CSMD1: variants seen among roughly 807,000 people sequenced by gnomAD.
CSMD1 encodes the protein CUB and sushi domain-containing protein 1.
Under a neutral mutation model 417.5 loss-of-function variants are expected in CSMD1, and 213 were observed. That is an observed-to-expected ratio of 0.51 (90% CI 0.46 to 0.57). The LOEUF (loss-of-function observed/expected upper bound fraction) is 0.57. Ranked by LOEUF, CSMD1 falls within the 20% of genes least tolerant of loss-of-function variation. CSMD1 has a pLI of 0.00. For synonymous variants in CSMD1, 2,862 were observed against 1,736.8 expected, an observed-to-expected ratio of 1.65 and a Z score of -16.11; for missense variants, 6,923 against 4,529.7, an observed-to-expected ratio of 1.53 and a Z score of -15.17.
intron 1 of CSMD1, among the ~76,000 whole-genome samples, chr8:4,726,601 G>C (rs577329899): frequency 1.3e-5 from 2 of 152,118 alleles, no homozygotes; most frequent in Non-Finnish European, 2.9e-5. Flanking sequence ...CCTCCCATCA[G>C]CTTCTGCAAA....
chr8:4,155,283 G>C (rs557824543), intron 3 of CSMD1, among the ~76,000 whole-genome samples: 3 of 152,154 alleles, frequency 2.0e-5, no homozygotes, highest in Non-Finnish European at 4.4e-5. Context: ...TGTGAATTAG[G>C]GGGTGGAGCA....
intron 8 of CSMD1, among the ~76,000 whole-genome samples, chr8:3,606,395 T>C (rs1441377958): frequency 3.3e-5 from 5 of 152,144 alleles, no homozygotes; most frequent in South Asian, 2.1e-4. Flanking sequence ...CTGAGTACTG[T>C]AGGCAATTGA....
chr8:4,797,276 A>C (rs1416112870), intron 1 of CSMD1, among the ~76,000 whole-genome samples: 1 of 152,182 alleles, frequency 6.6e-6, no homozygotes, highest in Non-Finnish European at 1.5e-5. Flanking sequence ...ACTGTTTTGA[A>C]AACTATGTTT....
chr8:4,006,950 C>A (rs1310654318), intron 4 of CSMD1, among the ~76,000 whole-genome samples: 1 of 150,202 alleles, frequency 6.7e-6, no homozygotes, highest in East Asian at 2.0e-4. Context: ...GCTTCAGACT[C>A]ACGAGTAGCT....
intron 3 of CSMD1, among the ~76,000 whole-genome samples, chr8:4,068,555 G>C (rs902492234): frequency 2.0e-5 from 3 of 152,162 alleles, no homozygotes; most frequent in Non-Finnish European, 4.4e-5. Flanking sequence ...GTATCCTCTG[G>C]AGGCCACTGG....
chr8:3,633,326 T>C (rs746237271), intron 7 of CSMD1, among the ~76,000 whole-genome samples: 1 of 152,184 alleles, frequency 6.6e-6, no homozygotes, highest in African/African-American at 2.4e-5. Context: ...TACATAAGAC[T>C]CAGAGGTGCA....
chr8:4,219,483 C>T (rs1342884353), intron 3 of CSMD1, among the ~76,000 whole-genome samples: 1 of 152,150 alleles, frequency 6.6e-6, no homozygotes, highest in Non-Finnish European at 1.5e-5. Context: ...CCTGAATTTC[C>T]TTCCGTCTCT....
chr8:3,352,215 T>C (rs1808469093), intron 21 of CSMD1, among the ~76,000 whole-genome samples: 1 of 152,186 alleles, frequency 6.6e-6, no homozygotes, highest in African/African-American at 2.4e-5. Flanking sequence ...GATGTTTTTA[T>C]GATTTTATCA....
At chr8:4,677,618 C>A (rs754601066) in intron 1 of CSMD1, among the ~76,000 whole-genome samples, 6 of 152,242 alleles carry the variant, frequency 3.9e-5, no homozygotes, top group Non-Finnish European at 7.4e-5. Context: ...ATCACTGCTG[C>A]ATTTTTATAT....
At chr8:3,396,854 T>C (rs1197327870) in intron 16 of CSMD1, among the ~76,000 whole-genome samples, 1 of 152,074 alleles carries the variant, frequency 6.6e-6, no homozygotes, top group Admixed American at 6.6e-5. Flanking sequence ...TCATTAAAAA[T>C]GTGTGATGAG....
At chr8:4,298,522 A>G (rs1797807016) in intron 3 of CSMD1, among the ~76,000 whole-genome samples, 1 of 152,162 alleles carries the variant, frequency 6.6e-6, no homozygotes, top group Non-Finnish European at 1.5e-5. Flanking sequence ...GACTTGACCT[A>G]TATACAATGT....
chr8:4,130,092 G>A (rs906041038), intron 3 of CSMD1, among the ~76,000 whole-genome samples: 3 of 152,050 alleles, frequency 2.0e-5, no homozygotes, highest in Non-Finnish European at 2.9e-5. Context: ...TGAGAGGAGG[G>A]CTAGGGCTGC....
intron 37 of CSMD1, among the ~76,000 whole-genome samples, chr8:3,171,722 C>T (rs1317945617): frequency 2.6e-5 from 4 of 152,112 alleles, no homozygotes; most frequent in Admixed American, 6.5e-5. Context: ...ATAGAATAAT[C>T]ATAATTTTCA....
chr8:4,250,770 C>A (rs1236013267), intron 3 of CSMD1, among the ~76,000 whole-genome samples: 1 of 152,194 alleles, frequency 6.6e-6, no homozygotes, highest in East Asian at 1.9e-4. Context: ...ATAAATATGC[C>A]AGTAACTCAA....
intron 2 of CSMD1, among the ~76,000 whole-genome samples, chr8:4,563,533 C>G (rs971510011): frequency 1.3e-5 from 2 of 152,210 alleles, no homozygotes; most frequent in African/African-American, 4.8e-5. Context: ...CGCACTGATA[C>G]TCCTCACCAC....
chr8:3,955,087 T>C (rs1811851300), intron 5 of CSMD1, among the ~76,000 whole-genome samples: 1 of 152,208 alleles, frequency 6.6e-6, no homozygotes, highest in Non-Finnish European at 1.5e-5. Context: ...CTGACATTTC[T>C]AGTGGGTGCG....
rs6990707 is a variant in CSMD1 at position 4,759,609 on chromosome 8, C to T, written c.86-122051G>A. On this transcript the variant is annotated intron_variant, in intron 1 of 69. Transcript: ENST00000635120. ...GTCCCCATGTGTGTTGTTCCCCTCC[C>T]TACGTCCATGTGTTCTCATTGCTCA... Among the ~76,000 whole-genome samples the T allele has an allele frequency of 4.5e-4, 68 of 152,242 alleles. 1 individual carries two copies. In the East Asian group the frequency reaches 0.012, roughly 27 times the overall value.
At chr8:3,104,865 G>A (rs1021749222) in intron 46 of CSMD1, among the ~76,000 whole-genome samples, 2 of 151,978 alleles carry the variant, frequency 1.3e-5, no homozygotes, top group Admixed American at 6.6e-5. Context: ...GCGCCACCAC[G>A]CCCAGTTAAT....
chr8:4,032,140 T>C (rs1797381422), intron 3 of CSMD1, 41 bp from the exon 4 acceptor site: 7 of 1,513,052 alleles, frequency 4.6e-6, no homozygotes, highest in Admixed American at 1.8e-5. Context: ...ACAAGTTAAA[T>C]TTTCCATGGA....
Sources: gnomAD v4.1 joint callset for allele counts (sites outside exome capture counted in the v4.1 genomes callset) on GRCh38, gnomAD v4.1.1 for gene constraint, MANE v1.5 for transcripts, NCBI Gene and HGNC (gene_info 2026-07-23, HGNC 2026-07-21) for gene names.